SIPA1L3: variants seen among roughly 807,000 people sequenced by gnomAD.
SIPA1L3 encodes the protein signal induced proliferation associated 1 like 3.
Under a neutral mutation model 150.1 loss-of-function variants are expected in SIPA1L3, and 59 were observed. The observed-to-expected ratio is 0.39, with a 90% CI of 0.32 to 0.49. SIPA1L3 has a LOEUF of 0.49. Ranked by LOEUF, SIPA1L3 falls within the 20% of genes least tolerant of loss-of-function variation. SIPA1L3 has a pLI of 0.86. For missense variants in SIPA1L3, 2,211 were observed against 2,489.5 expected, an observed-to-expected ratio of 0.89 and a Z score of 2.38; for synonymous variants, 1,070 against 1,077.6, an observed-to-expected ratio of 0.99 and a Z score of 0.14.
chr19:38,136,183 CAAAAAAAAAAAAA>C (rs56146390), intron 10 of SIPA1L3, among the ~76,000 whole-genome samples: 2 of 44,118 alleles, frequency 4.5e-5, no homozygotes, highest in Non-Finnish European at 8.3e-5. Context: ...GAGACTGTCT[CAAAAAAAAAAAAA>C]AAAAAAAAAA....
Position 38,138,897 on chromosome 19 carries a change from C to CAAAAAAAAAAAAAAAAAA in SIPA1L3, c.3144-2286_3144-2269dup, listed in dbSNP as rs3045988. On this transcript the variant is annotated intron_variant, in intron 10 of 21. Transcript: ENST00000222345. ...TGGGTGACAGAACGAGACTCTATCT[C>CAAAAAAAAAAAAAAAAAA]AAAAAAAAAAAAAAAAAACTGAGTG... Among the ~76,000 whole-genome samples the CAAAAAAAAAAAAAAAAAA allele has an allele frequency of 2.7e-3, 117 of 44,060 alleles. 9 individuals are homozygous for CAAAAAAAAAAAAAAAAAA. The highest frequency in any genetic ancestry group is 0.012 in the African/African-American group (107 of 9,228). The allele number at this position is 44,060 out of a possible 152,430, so 28.9% of individuals were successfully genotyped here.
intron 3 of SIPA1L3, among the ~76,000 whole-genome samples, chr19:38,086,638 G>T (rs1212678114): frequency 6.6e-6 from 1 of 152,126 alleles, no homozygotes. Flanking sequence ...AGCCATGATT[G>T]CACCACTGCA....
At chr19:38,110,663 A>G (rs954956950) in intron 8 of SIPA1L3, among the ~76,000 whole-genome samples, 3 of 152,174 alleles carry the variant, frequency 2.0e-5, no homozygotes, top group Non-Finnish European at 2.9e-5. Context: ...ACAAAAAGAC[A>G]GTTGTGTATA....
At chr19:37,990,204 TGATTTTTGTAACTGGGTG>T (rs1967469209) in intron 1 of SIPA1L3, among the ~76,000 whole-genome samples, 1 of 152,106 alleles carries the variant, frequency 6.6e-6, no homozygotes, top group South Asian at 2.1e-4. Context: ...ACCCACATCT[TGATTTTTGTAACTGGGTG>T]GACCAGATCA....
chr19:37,983,892 C>T (rs370620137), intron 1 of SIPA1L3, among the ~76,000 whole-genome samples: 14 of 134,190 alleles, frequency 1.0e-4, no homozygotes, highest in South Asian at 2.4e-4. Flanking sequence ...GGTGACTGAG[C>T]GAGACCCCAT....
chr19:38,174,170 G>C (rs1346965499), intron 15 of SIPA1L3, among the ~76,000 whole-genome samples: 1 of 152,188 alleles, frequency 6.6e-6, no homozygotes, highest in African/African-American at 2.4e-5. Flanking sequence ...GTAGCGAGCA[G>C]TGGCTTGATT....
intron 1 of SIPA1L3, among the ~76,000 whole-genome samples, chr19:37,956,335 G>A (rs1289123074): frequency 1.3e-5 from 2 of 152,014 alleles, no homozygotes; most frequent in Admixed American, 6.6e-5. Flanking sequence ...TATTTGTATT[G>A]TTTGCCTATT....
At chr19:38,107,205 G>GT (rs1568553384) in intron 7 of SIPA1L3, among the ~76,000 whole-genome samples, 3 of 152,284 alleles carry the variant, frequency 2.0e-5, no homozygotes, top group Admixed American at 2.0e-4. Flanking sequence ...AAAGAGTGCT[G>GT]TTTTTTCCAG....
intron 1 of SIPA1L3, among the ~76,000 whole-genome samples, chr19:37,936,434 A>G (rs1333636408): frequency 6.6e-6 from 1 of 152,206 alleles, no homozygotes; most frequent in Non-Finnish European, 1.5e-5. Flanking sequence ...AGACTGTAAG[A>G]GTGTGCAGGA....
intron 1 of SIPA1L3, among the ~76,000 whole-genome samples, chr19:37,934,517 AT>A (rs1350403251): frequency 2.3e-4 from 35 of 152,338 alleles, no homozygotes; most frequent in African/African-American, 7.7e-4. Flanking sequence ...TTAATAGATG[AT>A]TAAACGAGAA....
intron 3 of SIPA1L3, 37 bp downstream of exon 3, chr19:38,083,136 C>T (rs966785643): frequency 6.4e-6 from 10 of 1,556,488 alleles, no homozygotes; most frequent in Admixed American, 1.7e-5. Context: ...GTTGGGTGGG[C>T]CGAGGCTTGC....
chr19:38,141,530 T>C (rs891092955), intron 11 of SIPA1L3, 95 bp downstream of exon 11: 2 of 1,300,402 alleles, frequency 1.5e-6, no homozygotes, highest in Non-Finnish European at 2.1e-6. Context: ...CTCCATCCTC[T>C]TCCTCGCCTC....
intron 1 of SIPA1L3, among the ~76,000 whole-genome samples, chr19:37,954,742 G>A (rs898725119): frequency 1.1e-4 from 16 of 152,010 alleles, no homozygotes; most frequent in South Asian, 4.2e-4. Flanking sequence ...CACCACCACC[G>A]CCTGTATGTG....
At chr19:38,034,116 C>T (rs141380599) in intron 2 of SIPA1L3, among the ~76,000 whole-genome samples, 1 of 152,072 alleles carries the variant, frequency 6.6e-6, no homozygotes, top group Non-Finnish European at 1.5e-5. Flanking sequence ...GCTGCCATGT[C>T]GCATAGCCTC....
At chr19:37,936,501 C>A (rs942097495) in intron 1 of SIPA1L3, among the ~76,000 whole-genome samples, 1 of 152,170 alleles carries the variant, frequency 6.6e-6, no homozygotes, top group Non-Finnish European at 1.5e-5. Flanking sequence ...TATCAGTGTT[C>A]GAAGTTAGTC....
At chr19:38,192,001 C>T in intron 16 of SIPA1L3, 144 bp from the exon 17 acceptor site, 1 of 690,826 alleles carries the variant, frequency 1.4e-6, no homozygotes, top group South Asian at 1.9e-5. Context: ...GAGCCAAGCC[C>T]CTCTCTGCCA....
chr19:37,979,804 C>T lies in SIPA1L3; in HGVS notation c.-378-49285C>T, dbSNP rs1967158429. On this transcript the variant is annotated intron_variant, in intron 1 of 21. Coordinates refer to ENST00000222345, the MANE Select transcript of SIPA1L3 (RefSeq NM_015073.3). ...AGTAATGCGTGTTAGAGACAGTTGG[C>T]TCTCAGCACTTTTCTTGCGTGCTAA... 3.3e-5 allele frequency among the ~76,000 whole-genome samples: 5 copies of T among 152,330 alleles called. No individual in the cohort carries two copies. In the South Asian group the frequency reaches 1.0e-3, roughly 32 times the overall value.
chr19:38,039,828 T>A (rs1215664552), intron 2 of SIPA1L3, among the ~76,000 whole-genome samples: 2 of 151,906 alleles, frequency 1.3e-5, no homozygotes, highest in Non-Finnish European at 2.9e-5. Context: ...ATATCAAAAA[T>A]GTTGAATTCA....
intron 2 of SIPA1L3, among the ~76,000 whole-genome samples, chr19:38,051,750 C>T (rs367677009): frequency 4.6e-5 from 7 of 152,254 alleles, no homozygotes; most frequent in South Asian, 2.1e-4. Context: ...GCACACACCA[C>T]CACACCTGCT....
Sources: allele counts gnomAD v4.1 joint callset (sites outside exome capture counted in the v4.1 genomes callset), GRCh38; gene constraint gnomAD v4.1.1; transcripts MANE v1.5; gene names NCBI Gene and HGNC (gene_info 2026-07-23, HGNC 2026-07-21).